ACOXL: variants seen among roughly 807,000 people sequenced by gnomAD.
ACOXL encodes acyl-CoA oxidase like, also known as acyl-coenzyme A oxidase-like protein.
In ACOXL, 70 loss-of-function variants were observed where a neutral mutation model predicts 71.9. The ratio of observed to expected loss-of-function variants is 0.97; its 90% CI spans 0.80 to 1.19. The LOEUF (loss-of-function observed/expected upper bound fraction) is 1.19. Ranked by LOEUF, ACOXL falls within the 50% of genes most tolerant of loss-of-function variation. ACOXL has a pLI of 0.00. For missense variants in ACOXL, 703 were observed against 736.3 expected (o/e 0.95, Z 0.52); for synonymous variants, 253 against 281.6 (o/e 0.90, Z 1.02).
Position 110,805,277 on chromosome 2 carries a change from C to A in ACOXL, c.635C>A (p.Ala212Asp). ...CTTTTCCACAGGTTTGGTTCCGTGG[C>A]TCCAGATGGACAGTACCATTCGCCT... ...ENLLDKFGSV[A>D]PDGQYHSPIR... is the part of the protein sequence containing the mutation. The change falls in exon 9 of 18, where the codon GCT becomes GAT. Residue 212 changes from alanine to aspartate, a missense_variant. Coordinates refer to ENST00000439055, the MANE Select transcript of ACOXL (RefSeq NM_001142807.4). 6.2e-7 allele frequency: 1 copy of A among 1,614,206 alleles called. No individual in the cohort carries two copies. The highest frequency in any genetic ancestry group is 8.5e-7 in the Non-Finnish European group (1 of 1,180,020).
At chr2:110,766,681 G>A (rs1483996308) in intron 1 of ACOXL, among the ~76,000 whole-genome samples, 3 of 152,208 alleles carry the variant, frequency 2.0e-5, no homozygotes, top group Admixed American at 6.5e-5. Context: ...GAGTAGGGGT[G>A]AAGTCTCAGC....
chr2:110,895,512 A>C (rs891035463), intron 10 of ACOXL, among the ~76,000 whole-genome samples: 27 of 152,316 alleles, frequency 1.8e-4, no homozygotes, highest in African/African-American at 5.8e-4. Context: ...TGCTCAAAGA[A>C]ATAATGGCTG....
rs375182123 is a variant in ACOXL, at chr2:110,740,991, T to C, written c.-23+8217T>C. Among the ~76,000 whole-genome samples the C allele has an allele frequency of 3.9e-5, 6 of 152,292 alleles. No individual in the cohort carries two copies. The East Asian group carries it at 9.6e-4, about 24-fold the overall frequency. ...ATGTTGGAGGGGATCTTGCCCTTTT[T>C]TGAAGGAGGAAACAAAGGCTTAAGG... On this transcript the variant is annotated intron_variant, in intron 1 of 17. Transcript: ENST00000439055.
chr2:110,816,845 G>C (rs927059207), intron 9 of ACOXL, among the ~76,000 whole-genome samples: 1 of 152,194 alleles, frequency 6.6e-6, no homozygotes, highest in Non-Finnish European at 1.5e-5. Flanking sequence ...CCTCAAACAG[G>C]CCACCCTGGT....
chr2:110,775,268 C>T (rs1025643255), intron 2 of ACOXL, among the ~76,000 whole-genome samples: 3 of 152,118 alleles, frequency 2.0e-5, no homozygotes, highest in Non-Finnish European at 4.4e-5. Context: ...ACAATGATTT[C>T]TTGGATAGAA....
intron 12 of ACOXL, among the ~76,000 whole-genome samples, chr2:110,972,868 T>C (rs990483960): frequency 5.9e-5 from 9 of 152,230 alleles, no homozygotes; most frequent in Non-Finnish European, 1.0e-4. Flanking sequence ...ATGGTTTTTA[T>C]TGGGGGCTGG....
At chr2:111,003,194 T>G (rs915131863) in intron 14 of ACOXL, among the ~76,000 whole-genome samples, 3 of 152,240 alleles carry the variant, frequency 2.0e-5, no homozygotes, top group Admixed American at 1.3e-4. Context: ...ATGAGTAAGT[T>G]TCCCAAACAT....
At chr2:110,872,593 T>C (rs560414544) in intron 10 of ACOXL, among the ~76,000 whole-genome samples, 5 of 152,352 alleles carry the variant, frequency 3.3e-5, no homozygotes, top group African/African-American at 1.2e-4. Flanking sequence ...AGGAGAGCTG[T>C]CACTTCCAGC....
intron 15 of ACOXL, among the ~76,000 whole-genome samples, chr2:111,041,016 G>A (rs553422624): frequency 4.4e-4 from 67 of 152,274 alleles, no homozygotes; most frequent in African/African-American, 8.9e-4. Flanking sequence ...GCAGGCCTGC[G>A]TGGAGGGGTG....
chr2:110,885,430 T>C (rs1697160435), intron 10 of ACOXL, among the ~76,000 whole-genome samples: 2 of 152,220 alleles, frequency 1.3e-5, no homozygotes, highest in Non-Finnish European at 2.9e-5. Context: ...AGAATTTCTT[T>C]TTAGTTGTTT....
chr2:111,056,993 C>T lies in ACOXL; in HGVS notation c.1440+7705C>T, dbSNP rs1436165496. Among the ~76,000 whole-genome samples, 8 of 152,190 alleles carry T rather than the reference C, an allele frequency of 5.3e-5. No homozygotes were observed. The East Asian group carries it at 1.5e-3, about 29-fold the overall frequency. ...TGTGGCCCTCACCCTCAGGTAGCTC[C>T]TTGACAAATAGGTGAGACAGACACT... On this transcript the variant is annotated intron_variant, in intron 16 of 17. Transcript: ENST00000439055.
intron 12 of ACOXL, chr2:110,963,678 G>T: frequency 6.2e-7 from 1 of 1,613,892 alleles, no homozygotes. Context: ...AGATGTGTTT[G>T]CCACTTTTGA....
intron 12 of ACOXL, among the ~76,000 whole-genome samples, chr2:110,986,687 T>C (rs2062948847): frequency 6.6e-6 from 1 of 152,126 alleles, no homozygotes; most frequent in Non-Finnish European, 1.5e-5. Context: ...AAGTAGAGGA[T>C]AGAGATTGTT....
chr2:111,089,929 C>T (rs1453153825), intron 16 of ACOXL, among the ~76,000 whole-genome samples: 1 of 152,114 alleles, frequency 6.6e-6, no homozygotes, highest in East Asian at 1.9e-4. Flanking sequence ...CCAGACTAGG[C>T]CACCAGTTTC....
intron 12 of ACOXL, among the ~76,000 whole-genome samples, chr2:110,971,525 A>G (rs1411331365): frequency 6.6e-6 from 1 of 152,254 alleles, no homozygotes; most frequent in Non-Finnish European, 1.5e-5. Context: ...ACAAAAACCT[A>G]TGCATGAATA....
At chr2:110,868,852 A>G (rs555279473) in intron 10 of ACOXL, among the ~76,000 whole-genome samples, 3 of 152,322 alleles carry the variant, frequency 2.0e-5, no homozygotes, top group Admixed American at 1.3e-4. Flanking sequence ...CAGCCTCTCA[A>G]TGTGTTGGGA....
chr2:111,016,844 T>C (rs1280543234), intron 14 of ACOXL: 2 of 152,340 alleles, frequency 1.3e-5, no homozygotes, highest in African/African-American at 4.8e-5. Flanking sequence ...AGATGGGCCC[T>C]AGAGAGTCTG....
intron 10 of ACOXL, among the ~76,000 whole-genome samples, chr2:110,851,062 A>G (rs1692541547): frequency 6.6e-6 from 1 of 152,216 alleles, no homozygotes; most frequent in South Asian, 2.1e-4. Context: ...CATTCTGGAA[A>G]AGAGCAAACT....
At chr2:110,988,135 T>C (rs2063014274) in intron 13 of ACOXL, among the ~76,000 whole-genome samples, 1 of 152,208 alleles carries the variant, frequency 6.6e-6, no homozygotes, top group African/African-American at 2.4e-5. Context: ...AGAATACTGA[T>C]CTTAGCAGAA....
Sources: gnomAD v4.1 joint callset for allele counts (sites outside exome capture counted in the v4.1 genomes callset) on GRCh38, gnomAD v4.1.1 for gene constraint, MANE v1.5 for transcripts, NCBI Gene and HGNC (gene_info 2026-07-23, HGNC 2026-07-21) for gene names.